SRL: variants seen among roughly 807,000 people sequenced by gnomAD.
SRL encodes the protein sarcalumenin.
SRL carries 23 observed loss-of-function variants against 39.5 expected under a neutral mutation model. The observed-to-expected ratio is 0.58, with a 90% CI of 0.42 to 0.82. The LOEUF (loss-of-function observed/expected upper bound fraction) is 0.82, where lower values mean the gene tolerates loss of function less well. Among genes scored for constraint, SRL ranks in the 40% least tolerant of loss-of-function variants. The pLI, the probability that SRL is intolerant of heterozygous loss-of-function variation, is 0.00. For synonymous variants in SRL, 272 were observed against 237.4 expected, an observed-to-expected ratio of 1.15 and a Z score of -1.34; for missense variants, 592 against 607.8, an observed-to-expected ratio of 0.97 and a Z score of 0.27.
At chr16:4,205,599 G>C (rs188309866) in intron 1 of SRL, among the ~76,000 whole-genome samples, 5 of 152,166 alleles carry the variant, frequency 3.3e-5, no homozygotes, top group Admixed American at 3.3e-4. Context: ...CCAGTGGAGA[G>C]AAGCGTTCTG....
At chr16:4,225,620 A>G (rs113852732) in intron 1 of SRL, among the ~76,000 whole-genome samples, 1 of 152,062 alleles carries the variant, frequency 6.6e-6, no homozygotes, top group Non-Finnish European at 1.5e-5. Flanking sequence ...CAAAACCTTA[A>G]TTAAGTTGTT....
At chr16:4,200,160 C>T (rs1256238120) in intron 3 of SRL, among the ~76,000 whole-genome samples, 2 of 152,176 alleles carry the variant, frequency 1.3e-5, no homozygotes, top group Non-Finnish European at 1.5e-5. Flanking sequence ...TGGCCCTGCC[C>T]CATCCCTCCC....
At chr16:4,238,905 G>C (rs1042428608) in intron 1 of SRL, among the ~76,000 whole-genome samples, 1 of 151,876 alleles carries the variant, frequency 6.6e-6, no homozygotes, top group African/African-American at 2.4e-5. Flanking sequence ...ACAGGTGTGA[G>C]CCACTGTGTC....
intron 1 of SRL, among the ~76,000 whole-genome samples, chr16:4,216,041 A>G (rs1330361165): frequency 1.3e-5 from 2 of 152,110 alleles, no homozygotes; most frequent in African/African-American, 2.4e-5. Context: ...GTCTCAAAAA[A>G]AAAAAGGATT....
At chr16:4,223,938 C>T (rs915993671) in intron 1 of SRL, among the ~76,000 whole-genome samples, 2 of 152,146 alleles carry the variant, frequency 1.3e-5, no homozygotes, top group Non-Finnish European at 2.9e-5. Context: ...CAGCCCTAGG[C>T]CCATCATGGG....
At chr16:4,218,695 AC>A (rs2052488449) in intron 1 of SRL, among the ~76,000 whole-genome samples, 1 of 152,204 alleles carries the variant, frequency 6.6e-6, no homozygotes, top group Non-Finnish European at 1.5e-5. Context: ...GAAATGCCAC[AC>A]CCAGAGTGCC....
intron 3 of SRL, among the ~76,000 whole-genome samples, chr16:4,199,693 CTT>C (rs35631556): frequency 7.3e-5 from 7 of 96,452 alleles, no homozygotes; most frequent in South Asian, 4.0e-4. Context: ...TTTTCTTTTC[CTT>C]TTTTTTTTTT....
chr16:4,192,601 C>A lies in SRL; in HGVS notation c.974G>T (p.Arg325Ile). 6.2e-7 allele frequency: 1 copy of A among 1,614,190 alleles called. No homozygotes were observed. The highest frequency in any genetic ancestry group is 1.1e-5 in the South Asian group (1 of 91,086). The change falls in exon 6 of 6, where the codon AGA becomes ATA. Residue 325 changes from arginine to isoleucine, a missense_variant. Arg to Ile is a moderately conservative substitution (Grantham distance 97). Coordinates refer to ENST00000399609, the MANE Select transcript of SRL (RefSeq NM_001098814.2). This position sits in a 1 kb window ranked among gnomAD's most constrained non-coding sequence, Gnocchi z 4.0. ...GATGAAGGCAATCTTGTTCTCCAGT[C>A]TGTTCTCGATCACCTGATTCAGGTC... ...LEDLNQVIEN[R>I]LENKIAFIRQ...
chr16:4,229,310 G>A (rs867277721), intron 1 of SRL, among the ~76,000 whole-genome samples: 1 of 152,176 alleles, frequency 6.6e-6, no homozygotes, highest in South Asian at 2.1e-4. Context: ...CAAGCGTGGT[G>A]GTGGGGACCT....
chr16:4,235,725 AAG>A (rs903020099), intron 1 of SRL, among the ~76,000 whole-genome samples: 3 of 152,142 alleles, frequency 2.0e-5, no homozygotes, highest in Admixed American at 2.0e-4. Context: ...AAATTAAAAA[AAG>A]AGAGAGGACT....
intron 4 of SRL, among the ~76,000 whole-genome samples, chr16:4,197,228 C>T (rs531427400): frequency 8.1e-4 from 123 of 151,118 alleles, no homozygotes; most frequent in African/African-American, 2.8e-3. Flanking sequence ...GCCATCACAC[C>T]CAGCTAATTT....
intron 1 of SRL, among the ~76,000 whole-genome samples, chr16:4,241,627 G>A (rs988859154): frequency 2.0e-5 from 3 of 152,186 alleles, no homozygotes; most frequent in Admixed American, 6.5e-5. Context: ...CCAGGTGGGA[G>A]GGTCACCTCA....
chr16:4,231,801 C>T (rs1489882421), intron 1 of SRL, among the ~76,000 whole-genome samples: 1 of 152,078 alleles, frequency 6.6e-6, no homozygotes, highest in Non-Finnish European at 1.5e-5. Flanking sequence ...ATCAAGTTGC[C>T]GCATACTCAC....
chr16:4,207,538 C>T lies in SRL; in HGVS notation c.62-2904G>A, dbSNP rs9932720. 3.3e-3 allele frequency: 1,489 copies of T among 456,024 alleles called. 19 individuals are homozygous for T. Among genetic ancestry groups the T allele is most frequent in the African/African-American group, 0.027 (1,353 of 50,200 alleles). 28.2% of individuals were successfully genotyped at this position (456,024 alleles called of 1,614,324 possible). ...CCATCACCCTCTGAGTGAGGAGAGG[C>T]CCCCTCTGCCTTTGGCTCTGCTGTC... On this transcript the variant is annotated intron_variant, in intron 1 of 5. Transcript: ENST00000399609.
At position 4,207,816 on chromosome 16, in the gene SRL, G is replaced by A. The variant is rs377310222; in HGVS notation, c.62-3182C>T. On this transcript the variant is annotated intron_variant, in intron 1 of 5. Coordinates refer to ENST00000399609, the MANE Select transcript of SRL (RefSeq NM_001098814.2). Reference sequence around the variant, plus strand: ...GCCATTCTTTTCCTCCCCAGGCCCCGCAGCGTCCCTGTCGTCCCTTTCCCC... The same window carrying A: ...GCCATTCTTTTCCTCCCCAGGCCCCACAGCGTCCCTGTCGTCCCTTTCCCC... 211 of 456,348 alleles carry A rather than the reference G, an allele frequency of 4.6e-4. 1 individual carries two copies. Among genetic ancestry groups the A allele is most frequent in the Middle Eastern group, 3.6e-3 (11 of 3,096 alleles). The allele number at this position is 456,348 out of a possible 1,614,324, so 28.3% of individuals were successfully genotyped here.
At chr16:4,231,492 C>T (rs2052659526) in intron 1 of SRL, among the ~76,000 whole-genome samples, 2 of 152,194 alleles carry the variant, frequency 1.3e-5, no homozygotes, top group South Asian at 4.1e-4. Flanking sequence ...CCTGTCGTCA[C>T]CATCCTGGGG....
At chr16:4,222,854 G>T (rs62037574) in intron 1 of SRL, among the ~76,000 whole-genome samples, 28,670 of 152,076 alleles carry the variant, frequency 0.19, 3,053 homozygotes, top group Admixed American at 0.26. Context: ...AGCACTTTGG[G>T]AAGCTGAGGC....
intron 1 of SRL, among the ~76,000 whole-genome samples, chr16:4,230,641 G>A (rs973990150): frequency 2.6e-5 from 4 of 151,890 alleles, no homozygotes; most frequent in Non-Finnish European, 5.9e-5. Flanking sequence ...CACCCCCTTG[G>A]CCTCCCAAAG....
At chr16:4,198,718 A>G (rs2052181701) in intron 3 of SRL, among the ~76,000 whole-genome samples, 1 of 152,148 alleles carries the variant, frequency 6.6e-6, no homozygotes, top group Non-Finnish European at 1.5e-5. Flanking sequence ...AAATGCTGGG[A>G]TTACAGCTAT....
Sources: allele counts gnomAD v4.1 joint callset (sites outside exome capture counted in the v4.1 genomes callset), GRCh38; gene constraint gnomAD v4.1.1; non-coding constraint Gnocchi (gnomAD v3.1); transcripts MANE v1.5; gene names NCBI Gene and HGNC (gene_info 2026-07-23, HGNC 2026-07-21).